Variants in SLC9B1 observed in about 807,000 individuals in gnomAD.
The protein encoded by SLC9B1 is solute carrier family 9 member B1.
Under a neutral mutation model 51.7 loss-of-function variants are expected in SLC9B1, and 32 were observed. That is an observed-to-expected ratio of 0.62 (90% CI 0.47 to 0.83). The LOEUF is 0.83. SLC9B1 is among the 40% of genes least tolerant of loss of function. The pLI is 0.00. For synonymous variants in SLC9B1, 145 were observed against 212.7 expected (o/e 0.68, Z 2.77); for missense variants, 406 against 613.2 (o/e 0.66, Z 3.57).
intron 6 of SLC9B1, among the ~76,000 whole-genome samples, chr4:102,943,969 G>T (rs1009916933): frequency 1.3e-5 from 2 of 152,134 alleles, no homozygotes; most frequent in Admixed American, 1.3e-4. Flanking sequence ...CACATAGGAG[G>T]GGGTATATCT....
At chr4:102,889,717 C>T (rs1282240265) in intron 11 of SLC9B1, 3 of 152,078 alleles carry the variant, frequency 2.0e-5, no homozygotes, top group African/African-American at 4.8e-5. Flanking sequence ...TTTTCAGAAG[C>T]GTAGGGTTGG....
chr4:102,968,909 G>A (rs924363390), intron 3 of SLC9B1, among the ~76,000 whole-genome samples: 3 of 152,148 alleles, frequency 2.0e-5, no homozygotes, highest in South Asian at 2.1e-4. Flanking sequence ...TGGGTCCCAC[G>A]CCCACAGAGC....
At chr4:102,924,932 T>C (rs544353924) in intron 7 of SLC9B1, among the ~76,000 whole-genome samples, 3 of 152,238 alleles carry the variant, frequency 2.0e-5, no homozygotes, top group African/African-American at 7.2e-5. Flanking sequence ...TATGGAGAAA[T>C]AGGAATGCTT....
chr4:102,910,209 A>C (rs1354572543), intron 9 of SLC9B1, among the ~76,000 whole-genome samples: 7 of 152,144 alleles, frequency 4.6e-5, no homozygotes, highest in Admixed American at 6.5e-5. Flanking sequence ...TATTATATAA[A>C]ACTTGGGAAA....
intron 2 of SLC9B1, among the ~76,000 whole-genome samples, chr4:102,991,291 T>G (rs1234780881): frequency 1.3e-5 from 2 of 152,026 alleles, no homozygotes; most frequent in Non-Finnish European, 2.9e-5. Flanking sequence ...AACTTGGGTC[T>G]CTTCAAAACA....
chr4:102,954,040 G>T (rs1426208197), intron 3 of SLC9B1, among the ~76,000 whole-genome samples: 1 of 46,108 alleles, frequency 2.2e-5, no homozygotes, highest in Admixed American at 2.9e-4. Flanking sequence ...GGGCATCCCT[G>T]TCTTGTGCTG....
At position 102,929,922 on chromosome 4, in the gene SLC9B1, CTT is replaced by C. The variant is rs1347055063; in HGVS notation, c.829+2200_829+2201del. Among the ~76,000 whole-genome samples, 135 of 152,336 alleles carry C rather than the reference CTT, an allele frequency of 8.9e-4. 1 individual carries two copies. The highest frequency in any genetic ancestry group is 2.9e-4 in the Non-Finnish European group (20 of 68,018). On this transcript the variant is annotated intron_variant, in intron 7 of 11. Transcript: ENST00000296422. ...GATTTTCACAATTGACAATAAAAAACTTTAACTTCTGAATGGTAAAAAGAGTG... is the reference window on the plus strand; with the variant it reads ...GATTTTCACAATTGACAATAAAAAACTAACTTCTGAATGGTAAAAAGAGTG...
intron 7 of SLC9B1, among the ~76,000 whole-genome samples, chr4:102,925,532 C>T (rs879391490): frequency 4.6e-5 from 7 of 151,698 alleles, no homozygotes; most frequent in Non-Finnish European, 1.0e-4. Flanking sequence ...GCACATGTAC[C>T]CTAGAACTTA....
chr4:102,943,896 A>T (rs1397594600), intron 6 of SLC9B1, among the ~76,000 whole-genome samples: 1 of 152,228 alleles, frequency 6.6e-6, no homozygotes, highest in Admixed American at 6.5e-5. Flanking sequence ...TAATGAAAAA[A>T]GAAAAAAGAC....
At chr4:102,919,086 T>C (rs1182394774) in intron 7 of SLC9B1, among the ~76,000 whole-genome samples, 10 of 152,140 alleles carry the variant, frequency 6.6e-5, no homozygotes, top group African/African-American at 2.2e-4. Context: ...AACCATTTTT[T>C]CCCTCCTAGG....
At chr4:102,943,984 G>A (rs1216196947) in intron 6 of SLC9B1, among the ~76,000 whole-genome samples, 1 of 152,128 alleles carries the variant, frequency 6.6e-6, no homozygotes, top group South Asian at 2.1e-4. Flanking sequence ...ATATCTCAGG[G>A]TTAGAGCATC....
chr4:102,957,413 AT>A (rs1226795062), intron 3 of SLC9B1, among the ~76,000 whole-genome samples: 3 of 152,214 alleles, frequency 2.0e-5, no homozygotes, highest in Non-Finnish European at 2.9e-5. Flanking sequence ...TAATAAGAAA[AT>A]CATGAAAATA....
intron 3 of SLC9B1, among the ~76,000 whole-genome samples, chr4:102,954,947 C>G (rs1419126284): frequency 6.6e-6 from 1 of 152,142 alleles, no homozygotes; most frequent in Admixed American, 6.6e-5. Flanking sequence ...CAAAAACAAA[C>G]ATTTCAGGAC....
chr4:102,937,723 C>CAAAAAAAA (rs35545999), intron 6 of SLC9B1, among the ~76,000 whole-genome samples: 1 of 56,850 alleles, frequency 1.8e-5, no homozygotes, highest in Non-Finnish European at 3.5e-5. Flanking sequence ...ACTCTGTCGC[C>CAAAAAAAA]AAAAAAAAAA....
chr4:102,968,936 G>A (rs541166404), intron 3 of SLC9B1, among the ~76,000 whole-genome samples: 6 of 152,290 alleles, frequency 3.9e-5, no homozygotes, highest in Admixed American at 2.6e-4. Context: ...TACTGCTAGC[G>A]CAGCAGTCCG....
chr4:102,910,357 C>G, intron 9 of SLC9B1, 82 bp downstream of exon 9: 1 of 1,269,478 alleles, frequency 7.9e-7, no homozygotes, highest in Admixed American at 3.0e-5. Context: ...CATTTTCCAA[C>G]CAGAATGAGG....
intron 6 of SLC9B1, among the ~76,000 whole-genome samples, chr4:102,944,246 AG>A (rs1384545055): frequency 6.6e-6 from 1 of 152,162 alleles, no homozygotes; most frequent in Non-Finnish European, 1.5e-5. Context: ...GGGTGGAAGG[AG>A]GGGGAGAATA....
downstream of SLC9B1, among the ~76,000 whole-genome samples, chr4:102,898,981 T>C (rs1250756257): frequency 2.6e-5 from 4 of 152,144 alleles, no homozygotes; most frequent in Admixed American, 6.5e-5. Context: ...GACCTCATGA[T>C]CCACCCGCCT....
chr4:102,995,639 T>C (rs1740174802), intron 1 of SLC9B1, among the ~76,000 whole-genome samples: 1 of 152,220 alleles, frequency 6.6e-6, no homozygotes, highest in Admixed American at 6.5e-5. Flanking sequence ...AGTCACTCAA[T>C]ACCCTCTTTA....
Sources: gnomAD v4.1 joint callset for allele counts (sites outside exome capture counted in the v4.1 genomes callset) on GRCh38, gnomAD v4.1.1 for gene constraint, MANE v1.5 for transcripts, NCBI Gene and HGNC (gene_info 2026-07-23, HGNC 2026-07-21) for gene names.